The following SYT9 variants were observed in gnomAD, a reference collection of about 807,000 sequenced individuals.
SYT9 encodes the protein synaptotagmin-9.
A neutral mutation model predicts 48.4 loss-of-function variants in SYT9; 22 were observed. The ratio of observed to expected loss-of-function variants is 0.45; its 90% CI spans 0.32 to 0.65. The LOEUF is 0.65. Ranked by LOEUF, SYT9 falls within the 30% of genes least tolerant of loss-of-function variation. The pLI is 0.03. For synonymous variants in SYT9, 265 were observed against 245.0 expected, an observed-to-expected ratio of 1.08 and a Z score of -0.76; for missense variants, 577 against 622.0, an observed-to-expected ratio of 0.93 and a Z score of 0.77.
intron 1 of SYT9, among the ~76,000 whole-genome samples, chr11:7,290,132 G>T (rs1055299521): frequency 6.6e-6 from 1 of 152,150 alleles, no homozygotes; most frequent in Non-Finnish European, 1.5e-5. Context: ...CACAGACAAG[G>T]GTTCAAGACA....
At chr11:7,362,067 C>T (rs1333449452) in intron 3 of SYT9, among the ~76,000 whole-genome samples, 1 of 151,980 alleles carries the variant, frequency 6.6e-6, no homozygotes, top group East Asian at 1.9e-4. Context: ...TAGCTTTCCC[C>T]AAAGTACCAT....
At chr11:7,415,492 G>C (rs1847224999) in intron 3 of SYT9, among the ~76,000 whole-genome samples, 1 of 152,076 alleles carries the variant, frequency 6.6e-6, no homozygotes, top group African/African-American at 2.4e-5. Flanking sequence ...GTTTGAGGGG[G>C]CTGTGTACGG....
chr11:7,313,700 G>T lies in SYT9; in HGVS notation c.803G>T (p.Arg268Leu). The T allele has an allele frequency of 1.9e-6, 3 of 1,614,086 alleles. No homozygotes were observed. The highest frequency in any genetic ancestry group is 1.7e-6 in the Non-Finnish European group (2 of 1,180,000). ...GTCAAGATCTATTTGCTTCCTGATC[G>T]GAAAACAAAACACCAGACTAAAGTT... ...PYVKIYLLPD[R>L]KTKHQTKVHR... The change falls in exon 3 of 7, where the codon CGG becomes CTG. Residue 268 changes from arginine (R) to leucine (L), a missense_variant. Arg to Leu is a moderately radical substitution (Grantham distance 102). Coordinates refer to ENST00000318881, the MANE Select transcript of SYT9 (RefSeq NM_175733.4).
At chr11:7,393,296 T>G (rs1846674395) in intron 3 of SYT9, among the ~76,000 whole-genome samples, 1 of 19,088 alleles carries the variant, frequency 5.2e-5, no homozygotes, top group South Asian at 1.7e-3. Context: ...TTGTTGAGGT[T>G]TTTTTTTTTT....
chr11:7,310,444 A>AT (rs34469345), intron 2 of SYT9, among the ~76,000 whole-genome samples: 5,494 of 115,014 alleles, frequency 0.048, 235 homozygotes, highest in Middle Eastern at 0.07. Flanking sequence ...CATAACTGTG[A>AT]TTTTTTTTTT....
chr11:7,407,042 T>G (rs1403018933), intron 3 of SYT9, among the ~76,000 whole-genome samples: 2 of 152,102 alleles, frequency 1.3e-5, no homozygotes, highest in African/African-American at 4.8e-5. Context: ...TTTAATGATA[T>G]TATTTGGGTT....
At chr11:7,254,739 T>A (rs1419164579) in intron 1 of SYT9, among the ~76,000 whole-genome samples, 1 of 152,184 alleles carries the variant, frequency 6.6e-6, no homozygotes, top group Non-Finnish European at 1.5e-5. Flanking sequence ...ACGGCCACCC[T>A]GTGATAGCTA....
At chr11:7,415,621 G>A (rs1269968253) in intron 3 of SYT9, among the ~76,000 whole-genome samples, 2 of 152,104 alleles carry the variant, frequency 1.3e-5, no homozygotes, top group East Asian at 3.9e-4. Flanking sequence ...ACCTGTTTGT[G>A]TAACTTTGAC....
At chr11:7,424,580 G>T (rs1847418880) in intron 6 of SYT9, among the ~76,000 whole-genome samples, 1 of 152,160 alleles carries the variant, frequency 6.6e-6, no homozygotes, top group South Asian at 2.1e-4. Flanking sequence ...TCTGTTGTAT[G>T]AATAAGTACT....
rs568073154 is a variant in SYT9 at position 7,421,176 on chromosome 11, GTC to G, written c.1467+543_1467+544del. 4.3e-3 allele frequency among the ~76,000 whole-genome samples: 658 copies of G among 152,294 alleles called. 5 individuals carry two copies. The highest frequency in any genetic ancestry group is 0.015 in the African/African-American group (643 of 41,562). On this transcript the variant is annotated intron_variant, in intron 6 of 6. Transcript: ENST00000318881. ...TATACAAAAAGTCTAGAGGAAGGCA[GTC>G]TGGAGTATCTTAGCAGCTCCATGAT...
upstream of SYT9, among the ~76,000 whole-genome samples, chr11:7,247,645 T>C (rs1052644696): frequency 7.4e-5 from 10 of 135,326 alleles, no homozygotes; most frequent in African/African-American, 2.7e-4. Context: ...ATATACGTGA[T>C]ATATATATAT....
chr11:7,398,567 G>A (rs573427819), intron 3 of SYT9, among the ~76,000 whole-genome samples: 2 of 151,872 alleles, frequency 1.3e-5, no homozygotes, highest in South Asian at 4.2e-4. Context: ...CTGCCACCAC[G>A]CCCAGCTAAT....
At chr11:7,335,393 G>A (rs1239078484) in intron 3 of SYT9, among the ~76,000 whole-genome samples, 2 of 152,048 alleles carry the variant, frequency 1.3e-5, no homozygotes, top group Non-Finnish European at 2.9e-5. Flanking sequence ...GGAGTTCGTT[G>A]TACAGATTAT....
intron 1 of SYT9, among the ~76,000 whole-genome samples, chr11:7,278,775 A>G: frequency 1.3e-5 from 2 of 152,360 alleles, no homozygotes; most frequent in South Asian, 4.1e-4. Flanking sequence ...TCTAATTCTT[A>G]CAAGTGGAGA....
At chr11:7,302,930 G>A in intron 1 of SYT9, 109 bp from the exon 2 acceptor site, 1 of 1,006,508 alleles carries the variant, frequency 9.9e-7, no homozygotes, top group East Asian at 2.4e-5. Flanking sequence ...GCCTTCCGCA[G>A]TCGGCTCCCA....
chr11:7,305,556 C>T (rs959835478), intron 2 of SYT9, among the ~76,000 whole-genome samples: 3 of 152,160 alleles, frequency 2.0e-5, no homozygotes, highest in Admixed American at 6.5e-5. Context: ...ATGAAATTTC[C>T]TTTATGCCTC....
At chr11:7,466,551 T>A (rs560365187) in intron 6 of SYT9, among the ~76,000 whole-genome samples, 17 of 151,996 alleles carry the variant, frequency 1.1e-4, no homozygotes, top group Non-Finnish European at 1.9e-4. Flanking sequence ...TGACACCCTG[T>A]CTCTACTAAA....
intron 3 of SYT9, among the ~76,000 whole-genome samples, chr11:7,384,116 C>T (rs561385441): frequency 6.6e-6 from 1 of 151,556 alleles, no homozygotes; most frequent in South Asian, 2.1e-4. Context: ...CTTCCCTCTC[C>T]CATTTTCTCA....
At chr11:7,434,518 G>A (rs1336543219) in intron 6 of SYT9, among the ~76,000 whole-genome samples, 1 of 152,150 alleles carries the variant, frequency 6.6e-6, no homozygotes, top group Admixed American at 6.5e-5. Flanking sequence ...GATCAGCCTG[G>A]TGGTGGAGGT....
Sources: gnomAD v4.1 joint callset for allele counts (sites outside exome capture counted in the v4.1 genomes callset) on GRCh38, gnomAD v4.1.1 for gene constraint, MANE v1.5 for transcripts, NCBI Gene and HGNC (gene_info 2026-07-23, HGNC 2026-07-21) for gene names.